Variants in CCDC125 observed in about 807,000 individuals in gnomAD.
CCDC125 encodes the protein coiled-coil domain containing 125.
Under a neutral mutation model 57.4 loss-of-function variants are expected in CCDC125, and 43 were observed. That is an observed-to-expected ratio of 0.75 (90% confidence interval 0.59 to 0.97). The LOEUF (loss-of-function observed/expected upper bound fraction) is 0.97. CCDC125 is among the 50% of genes least tolerant of loss of function. The pLI is 0.00. For missense variants in CCDC125, 563 were observed against 595.7 expected (o/e 0.95, Z 0.57); for synonymous variants, 187 against 195.2 (o/e 0.96, Z 0.35).
chr5:69,325,019 GT>G (rs1164378476), intron 1 of CCDC125, among the ~76,000 whole-genome samples: 17 of 152,248 alleles, frequency 1.1e-4, no homozygotes, highest in African/African-American at 4.1e-4. Flanking sequence ...CTTCACCACA[GT>G]GGCCACTTAT....
rs372269111 is a variant in CCDC125 at position 69,283,281 on chromosome 5, A to G, written c.1231-247T>C. Among the ~76,000 whole-genome samples, 412 of 144,462 alleles carry G rather than the reference A, an allele frequency of 2.9e-3. 1 individual carries two copies. Among genetic ancestry groups the G allele is most frequent in the Admixed American group, 4.3e-3 (59 of 13,880 alleles). The allele number at this position is 144,462 out of a possible 152,430, so 94.8% of individuals were successfully genotyped here. ...GTCACCCAGGCTGGAGTGCAGTGGCACTATCTCCACTCACTGCAAGCTCTG... is the reference window on the plus strand; with the variant it reads ...GTCACCCAGGCTGGAGTGCAGTGGCGCTATCTCCACTCACTGCAAGCTCTG... On this transcript the variant is annotated intron_variant, in intron 11 of 11. Transcript: ENST00000396496.
At chr5:69,316,796 A>G (rs1759185492) in intron 2 of CCDC125, among the ~76,000 whole-genome samples, 1 of 151,936 alleles carries the variant, frequency 6.6e-6, no homozygotes, top group Admixed American at 6.6e-5. Flanking sequence ...TATAGGCATC[A>G]GCTACCAGAC....
At chr5:69,319,853 G>A (rs1220184804) in intron 2 of CCDC125, among the ~76,000 whole-genome samples, 1 of 151,804 alleles carries the variant, frequency 6.6e-6, no homozygotes, top group Non-Finnish European at 1.5e-5. Context: ...GGGTGCAGTG[G>A]CTCATGCCGG....
chr5:69,290,193 G>A (rs1391282691), intron 10 of CCDC125, among the ~76,000 whole-genome samples: 2 of 151,818 alleles, frequency 1.3e-5, no homozygotes, highest in Admixed American at 6.6e-5. Context: ...TAAAATTCAC[G>A]ACAGCTGACT....
chr5:69,287,303 G>A (rs865973404), intron 10 of CCDC125, among the ~76,000 whole-genome samples: 5 of 141,650 alleles, frequency 3.5e-5, no homozygotes, highest in South Asian at 4.4e-4. Flanking sequence ...CGCTTTTGTC[G>A]CCCAGGCTGG....
chr5:69,273,921 G>GGATA, the CCDC125 span, among the ~76,000 whole-genome samples: 3 of 151,962 alleles, frequency 2.0e-5, no homozygotes, highest in Admixed American at 2.0e-4. Context: ...AGATATAGAT[G>GGATA]GATAGGTAGG....
downstream of CCDC125, chr5:69,277,179 A>C: frequency 6.9e-7 from 1 of 1,442,418 alleles, no homozygotes; most frequent in Non-Finnish European, 9.5e-7. Flanking sequence ...AAATAGCCAA[A>C]AAGGCAAATA....
the CCDC125 span, among the ~76,000 whole-genome samples, chr5:69,274,563 T>C: frequency 6.6e-6 from 1 of 152,196 alleles, no homozygotes; most frequent in Admixed American, 6.5e-5. Flanking sequence ...TGAGGAATGC[T>C]TGCAAAGTTT....
At chr5:69,304,384 T>G (rs1177233835) in intron 6 of CCDC125, among the ~76,000 whole-genome samples, 2 of 146,946 alleles carry the variant, frequency 1.4e-5, no homozygotes, top group East Asian at 4.1e-4. Flanking sequence ...GGATTACAGT[T>G]GTGAGCCATC....
At chr5:69,289,707 A>G (rs1754078792) in intron 10 of CCDC125, among the ~76,000 whole-genome samples, 1 of 151,972 alleles carries the variant, frequency 6.6e-6, no homozygotes, top group African/African-American at 2.4e-5. Context: ...ATAAACAAAT[A>G]CAAAATTTAG....
At chr5:69,303,294 C>T (rs920104836) in intron 7 of CCDC125, among the ~76,000 whole-genome samples, 10 of 151,960 alleles carry the variant, frequency 6.6e-5, no homozygotes, top group African/African-American at 1.9e-4. Context: ...AAGTGATCCT[C>T]CTGCCTTGGC....
At chr5:69,307,900 T>C (rs374299741) in intron 5 of CCDC125, 51 bp downstream of exon 5, 8 of 1,409,322 alleles carry the variant, frequency 5.7e-6, no homozygotes, top group Admixed American at 3.4e-5. Context: ...AGGGAAATTA[T>C]ATTTAACAGC....
At chr5:69,330,518 C>T (rs7708429) in intron 1 of CCDC125, among the ~76,000 whole-genome samples, 54,050 of 151,460 alleles carry the variant, frequency 0.36, 10,633 homozygotes, top group East Asian at 0.5. Flanking sequence ...CGCTTGAACC[C>T]GGGAGGCAGA....
chr5:69,288,192 T>C (rs1241075312), intron 10 of CCDC125, among the ~76,000 whole-genome samples: 2 of 152,040 alleles, frequency 1.3e-5, no homozygotes, highest in African/African-American at 4.8e-5. Flanking sequence ...AGCCCCTAAA[T>C]CCCTTGGAAT....
At chr5:69,296,034 C>T (rs1212632670) in intron 8 of CCDC125, among the ~76,000 whole-genome samples, 2 of 151,994 alleles carry the variant, frequency 1.3e-5, no homozygotes, top group Admixed American at 6.5e-5. Context: ...CAGGCGCCAC[C>T]ACGCCCGGCT....
chr5:69,286,634 C>T (rs1753533675), intron 10 of CCDC125, among the ~76,000 whole-genome samples: 1 of 152,134 alleles, frequency 6.6e-6, no homozygotes, highest in South Asian at 2.1e-4. Context: ...ATTTCACGTG[C>T]TGACATCATT....
At position 69,313,757 on chromosome 5, in the gene CCDC125, C is replaced by T. The variant is rs1267157074; in HGVS notation, c.366+228G>A. 2.9e-5 allele frequency: 23 copies of T among 781,778 alleles called. No individual in the cohort carries two copies. In the East Asian group the frequency reaches 4.4e-4, roughly 15 times the overall value. The allele number at this position is 781,778 out of a possible 1,614,324, so 48.4% of individuals were successfully genotyped here. On this transcript the variant is annotated intron_variant, in intron 3 of 11. Coordinates refer to ENST00000396496, the MANE Select transcript of CCDC125 (RefSeq NM_176816.5). Reference sequence around the variant, plus strand: ...GATGTTCTTCTTGTCTTCACTCAGGCGGAAGAGCACCGCCTTCTTGCGCTT... The same window carrying T: ...GATGTTCTTCTTGTCTTCACTCAGGTGGAAGAGCACCGCCTTCTTGCGCTT...
In CCDC125 at chr5:69,307,989, G is replaced by T. The variant is rs1757601562; in HGVS notation, c.493C>A (p.Leu165Ile). 1 of 1,613,870 alleles carries T rather than the reference G, an allele frequency of 6.2e-7. No individual in the cohort carries two copies. Among genetic ancestry groups the T allele is most frequent in the Non-Finnish European group, 8.5e-7 (1 of 1,179,906 alleles). The change falls in exon 5 of 12, where the codon CTT (leucine) becomes ATT (isoleucine). Residue 165 changes from leucine to isoleucine, a missense_variant. By Grantham distance (5) the Leu-to-Ile change is conservative. Transcript: ENST00000396496. ...CTGTTTTGTTCCATAGTTTTTTGAAGCACTGCCTGCGTATGACTTGTGGCT... is the reference window on the plus strand; with the variant it reads ...CTGTTTTGTTCCATAGTTTTTTGAATCACTGCCTGCGTATGACTTGTGGCT... ...GKATSHTQAV[L>I]QKTMEQNRSL...
chr5:69,311,236 C>CT, intron 3 of CCDC125, 32 bp from the exon 4 acceptor site: 3 of 1,347,782 alleles, frequency 2.2e-6, no homozygotes, highest in Non-Finnish European at 3.2e-6. Context: ...GTCTTCCTAT[C>CT]TGCAAGATAT....
Sources: allele counts gnomAD v4.1 joint callset (sites outside exome capture counted in the v4.1 genomes callset), GRCh38; gene constraint gnomAD v4.1.1; transcripts MANE v1.5; gene names NCBI Gene and HGNC (gene_info 2026-07-23, HGNC 2026-07-21).